RILPL1: variants seen among roughly 807,000 people sequenced by gnomAD.
RILPL1 encodes RILP-like protein 1.
In RILPL1, 33 loss-of-function variants were observed where a neutral mutation model predicts 50.3. That is an observed-to-expected ratio of 0.66 (90% CI 0.50 to 0.88). The LOEUF is 0.88. Ranked by LOEUF, RILPL1 falls within the 40% of genes least tolerant of loss-of-function variation. RILPL1 has a pLI of 0.00. For synonymous variants in RILPL1, 205 were observed against 228.6 expected (o/e 0.90, Z 0.93); for missense variants, 418 against 542.5 (o/e 0.77, Z 2.28).
chr12:123,500,932 C>CCA (rs1425257820), intron 2 of RILPL1, among the ~76,000 whole-genome samples: 1 of 151,100 alleles, frequency 6.6e-6, no homozygotes, highest in African/African-American at 2.4e-5. Context: ...TGGTGAAACC[C>CCA]TCTCTGCTAA....
rs1882270189 is a variant in RILPL1, at chr12:123,485,552, G to A, written c.974+81C>T. 7.7e-7 allele frequency: 1 copy of A among 1,304,672 alleles called. No homozygotes were observed. The highest frequency in any genetic ancestry group is 1.1e-6 in the Non-Finnish European group (1 of 932,644). 80.8% of individuals were successfully genotyped at this position (1,304,672 alleles called of 1,614,324 possible). A position where few individuals can be genotyped will look rare whatever the true frequency, so the allele number is the denominator to read the frequency against. On this transcript the variant is annotated intron_variant, in intron 5 of 6. Coordinates refer to ENST00000376874, the MANE Select transcript of RILPL1 (RefSeq NM_178314.5). This position sits in a 1 kb window ranked among gnomAD's most constrained non-coding sequence, Gnocchi z 4.0. ...CTGATGAAATGCTTGTCTTCCAGGG[G>A]GTAAGAAGGTAACTGTACAGAAACT...
chr12:123,521,586 TATATATATATTA>T (rs1355306916), intron 2 of RILPL1, among the ~76,000 whole-genome samples: 5,714 of 32,754 alleles, frequency 0.17, 159 homozygotes, highest in East Asian at 0.48. Flanking sequence ...CACATATGTG[TATATATATATTA>T]ATATATATAC....
At chr12:123,526,104 G>A (rs1261315984) in intron 1 of RILPL1, among the ~76,000 whole-genome samples, 1 of 152,092 alleles carries the variant, frequency 6.6e-6, no homozygotes, top group African/African-American at 2.4e-5. Context: ...TCAGGAGTTT[G>A]AGACCAGCCT....
intron 2 of RILPL1, among the ~76,000 whole-genome samples, chr12:123,514,873 A>G (rs1447624693): frequency 6.6e-6 from 1 of 152,182 alleles, no homozygotes; most frequent in Non-Finnish European, 1.5e-5. Context: ...TGTTATCTGT[A>G]TATTACATGA....
intron 1 of RILPL1, among the ~76,000 whole-genome samples, chr12:123,529,518 C>G (rs932790936): frequency 6.6e-6 from 1 of 151,978 alleles, no homozygotes; most frequent in Admixed American, 6.6e-5. Flanking sequence ...CTCAAGTGAT[C>G]CAGCTGCCTC....
chr12:123,509,478 G>T (rs1328703636), intron 2 of RILPL1, among the ~76,000 whole-genome samples: 1 of 151,468 alleles, frequency 6.6e-6, no homozygotes, highest in African/African-American at 2.4e-5. Flanking sequence ...CTGGAGAATT[G>T]CTTGAACCTG....
At chr12:123,514,080 G>C (rs1884549039) in intron 2 of RILPL1, 1 of 152,298 alleles carries the variant, frequency 6.6e-6, no homozygotes. Context: ...CCCCCGCTAA[G>C]AATGGATAAG....
chr12:123,485,447 C>A lies in RILPL1; in HGVS notation c.974+186G>T, dbSNP rs1002157789. ...TAAAGGTGTGAGCTCTGGTGCCCGG[C>A]CTGGGCCCAAGAGTTTCAGAAAGGG... On this transcript the variant is annotated intron_variant, in intron 5 of 6. Coordinates refer to ENST00000376874, the MANE Select transcript of RILPL1 (RefSeq NM_178314.5). The surrounding 1 kb of genome is among the most constrained non-coding windows in gnomAD (Gnocchi z 4.0). 1.3e-5 allele frequency among the ~76,000 whole-genome samples: 2 copies of A among 152,186 alleles called. No individual in the cohort carries two copies. The highest frequency in any genetic ancestry group is 4.8e-5 in the African/African-American group (2 of 41,444).
intron 2 of RILPL1, among the ~76,000 whole-genome samples, chr12:123,507,684 G>A (rs1883835325): frequency 6.6e-6 from 1 of 152,110 alleles, no homozygotes; most frequent in Non-Finnish European, 1.5e-5. Context: ...GCTCACGCCT[G>A]TAATCCCAGC....
intron 6 of RILPL1, among the ~76,000 whole-genome samples, chr12:123,480,146 G>C (rs1881865925): frequency 6.7e-6 from 1 of 149,832 alleles, no homozygotes; most frequent in South Asian, 2.1e-4. Context: ...GAAGGTGCTA[G>C]AAAGGCTGAT....
intron 1 of RILPL1, among the ~76,000 whole-genome samples, chr12:123,528,919 A>G (rs759595062): frequency 6.6e-6 from 1 of 151,918 alleles, no homozygotes. Flanking sequence ...GCCCTGATCA[A>G]TCATCTCCTT....
intron 1 of RILPL1, among the ~76,000 whole-genome samples, chr12:123,532,180 C>T (rs1885459537): frequency 6.6e-6 from 1 of 152,228 alleles, no homozygotes; most frequent in Non-Finnish European, 1.5e-5. Context: ...AAGCTGGAGA[C>T]TGCTCAGGCA....
chr12:123,524,204 C>T (rs1406395227), intron 1 of RILPL1, among the ~76,000 whole-genome samples: 1 of 152,194 alleles, frequency 6.6e-6, no homozygotes, highest in East Asian at 1.9e-4. Context: ...AACAAAGGCT[C>T]ACGAAGTGAA....
chr12:123,487,685 G>A lies in RILPL1; in HGVS notation c.802-1880C>T, dbSNP rs548142164. The stretch of plus-strand genomic sequence containing the variant: ...TGTGTTTATCCATTCTTCAGCTGAC[G>A]GACATCAGAGTGGTTTCCACTCTTT... On this transcript the variant is annotated intron_variant, in intron 4 of 6. Transcript: ENST00000376874. Among the ~76,000 whole-genome samples the A allele has an allele frequency of 8.5e-5, 13 of 152,298 alleles. No individual in the cohort carries two copies. In the South Asian group the frequency reaches 2.3e-3, roughly 27 times the overall value.
intron 2 of RILPL1, among the ~76,000 whole-genome samples, chr12:123,506,618 C>T (rs780802885): frequency 6.6e-6 from 1 of 152,164 alleles, no homozygotes; most frequent in Non-Finnish European, 1.5e-5. Flanking sequence ...GAGAGCGGTA[C>T]AGAAAGCTGA....
intron 2 of RILPL1, among the ~76,000 whole-genome samples, chr12:123,512,713 T>C (rs1418143939): frequency 6.9e-6 from 1 of 144,072 alleles, no homozygotes; most frequent in Non-Finnish European, 1.5e-5. Context: ...GTGTGTGGTG[T>C]GTGTGAGGTC....
intron 2 of RILPL1, among the ~76,000 whole-genome samples, chr12:123,514,790 G>A (rs539515496): frequency 2.6e-5 from 4 of 152,108 alleles, no homozygotes; most frequent in South Asian, 4.2e-4. Flanking sequence ...ATATGCTACT[G>A]AATTAAATGA....
chr12:123,530,314 C>T (rs1885401998), intron 1 of RILPL1, among the ~76,000 whole-genome samples: 1 of 152,062 alleles, frequency 6.6e-6, no homozygotes, highest in Non-Finnish European at 1.5e-5. Context: ...TATAGGCACT[C>T]GCCACCATGC....
chr12:123,520,834 G>A (rs1017422470), intron 2 of RILPL1, among the ~76,000 whole-genome samples: 4 of 152,186 alleles, frequency 2.6e-5, no homozygotes, highest in Non-Finnish European at 4.4e-5. Context: ...GCAGGCCTCT[G>A]TCTGGAATCG....
Sources: allele counts gnomAD v4.1 joint callset (sites outside exome capture counted in the v4.1 genomes callset), GRCh38; gene constraint gnomAD v4.1.1; non-coding constraint Gnocchi (gnomAD v3.1); transcripts MANE v1.5; gene names NCBI Gene and HGNC (gene_info 2026-07-23, HGNC 2026-07-21).